Variants in RAD51 observed in about 807,000 individuals in gnomAD.
RAD51 encodes RAD51 recombinase, also known as DNA repair protein RAD51 homolog 1.
Under a neutral mutation model 41.5 loss-of-function variants are expected in RAD51, and 14 were observed. That is an observed-to-expected ratio of 0.34 (90% CI 0.22 to 0.53). The LOEUF (loss-of-function observed/expected upper bound fraction) is 0.53. Among genes scored for constraint, RAD51 ranks in the 20% least tolerant of loss-of-function variants. The pLI is 0.95. For synonymous variants in RAD51, 136 were observed against 148.6 expected (o/e 0.92, Z 0.62); for missense variants, 234 against 422.0 (o/e 0.55, Z 3.90).
intron 3 of RAD51, among the ~76,000 whole-genome samples, chr15:40,704,235 A>C (rs1595984344): frequency 6.6e-6 from 1 of 151,022 alleles, no homozygotes; most frequent in East Asian, 2.0e-4. Context: ...CGCCATGCCC[A>C]GCTAATTTTT....
At chr15:40,703,844 A>G (rs1438997780) in intron 3 of RAD51, among the ~76,000 whole-genome samples, 2 of 151,724 alleles carry the variant, frequency 1.3e-5, no homozygotes, top group African/African-American at 4.8e-5. Flanking sequence ...AACCTGTATT[A>G]TTTCCATCTT....
chr15:40,711,862 C>T (rs980801081), intron 5 of RAD51, among the ~76,000 whole-genome samples: 2 of 151,922 alleles, frequency 1.3e-5, no homozygotes, highest in Admixed American at 6.6e-5. Context: ...ATCGCTTGAG[C>T]TCAGGAGTTT....
chr15:40,716,681 G>A lies in RAD51; in HGVS notation c.436-2124G>A, dbSNP rs1327639518. 1.2e-4 allele frequency among the ~76,000 whole-genome samples: 12 copies of A among 99,708 alleles called. No individual in the cohort carries two copies. The South Asian group carries it at 3.9e-3, about 33-fold the overall frequency. The allele number at this position is 99,708 out of a possible 152,430, so 65.4% of individuals were successfully genotyped here. ...TCTTTTTTTTTTTTTTTTTTTTTGA[G>A]ATGGAATCTCGCTCTGTCACCCAGG... On this transcript the variant is annotated intron_variant, in intron 5 of 9. Transcript: ENST00000267868.
chr15:40,710,746 C>T (rs1357179171), intron 5 of RAD51, among the ~76,000 whole-genome samples: 2 of 152,060 alleles, frequency 1.3e-5, no homozygotes, highest in African/African-American at 4.8e-5. Flanking sequence ...TACATTTGTG[C>T]CCATCTTTTC....
chr15:40,706,890 G>T (rs1264702560), intron 4 of RAD51, among the ~76,000 whole-genome samples: 3 of 152,144 alleles, frequency 2.0e-5, no homozygotes, highest in African/African-American at 7.2e-5. Flanking sequence ...CTACCACAGG[G>T]TTGAAAACCT....
At chr15:40,721,835 C>A (rs1421948209) in intron 6 of RAD51, among the ~76,000 whole-genome samples, 4 of 152,080 alleles carry the variant, frequency 2.6e-5, no homozygotes, top group African/African-American at 9.7e-5. Flanking sequence ...CCATTTCCAG[C>A]TATATAAAGA....
At chr15:40,724,941 G>C (rs1202195958) in intron 6 of RAD51, among the ~76,000 whole-genome samples, 1 of 128,652 alleles carries the variant, frequency 7.8e-6, no homozygotes, top group Non-Finnish European at 1.6e-5. Flanking sequence ...CGCCCAGGCC[G>C]GACTGCGGAC....
chr15:40,712,069 C>T (rs1895732282), intron 5 of RAD51, among the ~76,000 whole-genome samples: 1 of 138,892 alleles, frequency 7.2e-6, no homozygotes, highest in Non-Finnish European at 1.5e-5. Flanking sequence ...AAGATTTTGT[C>T]TCCATCTCAA....
chr15:40,697,574 C>CTTTTTTTT (rs11340353), intron 1 of RAD51, among the ~76,000 whole-genome samples: 8 of 105,514 alleles, frequency 7.6e-5, no homozygotes, highest in South Asian at 3.0e-4. Flanking sequence ...GATGATATTT[C>CTTTTTTTT]TTTTTTTTTT....
At chr15:40,696,193 G>A (rs1242426892) in intron 1 of RAD51, among the ~76,000 whole-genome samples, 1 of 151,930 alleles carries the variant, frequency 6.6e-6, no homozygotes, top group African/African-American at 2.4e-5. Flanking sequence ...TTTTTTGTTT[G>A]TTTGTTTGTT....
At chr15:40,730,908 A>T in intron 9 of RAD51, 147 bp from the exon 10 acceptor site, 1 of 1,029,680 alleles carries the variant, frequency 9.7e-7, no homozygotes, top group Non-Finnish European at 1.4e-6. Flanking sequence ...CAGGTTGGAA[A>T]TGCACTAAGG....
chr15:40,707,600 C>CTATA (rs1895432313), intron 4 of RAD51, among the ~76,000 whole-genome samples: 1 of 152,144 alleles, frequency 6.6e-6, no homozygotes, highest in African/African-American at 2.4e-5. Context: ...AGCCATCATG[C>CTATA]CTGGCCCCCA....
chr15:40,715,471 T>C (rs1052712122), intron 5 of RAD51, among the ~76,000 whole-genome samples: 1 of 152,192 alleles, frequency 6.6e-6, no homozygotes, highest in Admixed American at 6.5e-5. Flanking sequence ...AAATAATTTA[T>C]ACCAAAGCAT....
In RAD51 at chr15:40,724,153, G is replaced by A. The variant is rs533094175; in HGVS notation, c.531-4558G>A. Among the ~76,000 whole-genome samples the A allele has an allele frequency of 1.9e-3, 283 of 152,234 alleles. 1 individual carries two copies. The highest frequency in any genetic ancestry group is 2.4e-3 in the Non-Finnish European group (165 of 68,004). ...GTTGGAATGGTAATTGCAGCTTTTT[G>A]TCTCTGCCTACAAAATTCCTATGAA... On this transcript the variant is annotated intron_variant, in intron 6 of 9. Coordinates refer to ENST00000267868, the MANE Select transcript of RAD51 (RefSeq NM_002875.5).
At chr15:40,715,362 A>C (rs1387817193) in intron 5 of RAD51, among the ~76,000 whole-genome samples, 2 of 40,350 alleles carry the variant, frequency 5.0e-5, no homozygotes, top group Admixed American at 3.9e-4. Context: ...CTCAAAAAAA[A>C]ACCAAAAACC....
chr15:40,717,069 G>A lies in RAD51; in HGVS notation c.436-1736G>A, dbSNP rs372875416. Among the ~76,000 whole-genome samples, 352 of 152,174 alleles carry A rather than the reference G, an allele frequency of 2.3e-3. 22 individuals are homozygous for A. The South Asian group carries it at 0.068, about 29-fold the overall frequency. On this transcript the variant is annotated intron_variant, in intron 5 of 9. Coordinates refer to ENST00000267868, the MANE Select transcript of RAD51 (RefSeq NM_002875.5). ...ATAAGAAAGAAAATTTGGGCTGGGT[G>A]CAGTGGCTCACGCCTCCCAGCACTT...
chr15:40,715,853 A>T (rs1289830773), intron 5 of RAD51, among the ~76,000 whole-genome samples: 1 of 152,184 alleles, frequency 6.6e-6, no homozygotes, highest in East Asian at 1.9e-4. Flanking sequence ...CGTTCATCTT[A>T]TTTCCTGGGG....
intron 5 of RAD51, among the ~76,000 whole-genome samples, chr15:40,717,617 A>C (rs1176721503): frequency 6.6e-6 from 1 of 151,870 alleles, no homozygotes; most frequent in African/African-American, 2.4e-5. Context: ...TTTCTCTTTA[A>C]AATTCTTTCT....
chr15:40,721,871 G>C (rs935042689), intron 6 of RAD51, among the ~76,000 whole-genome samples: 10 of 152,076 alleles, frequency 6.6e-5, no homozygotes, highest in Admixed American at 1.3e-4. Context: ...TCAGATACTT[G>C]GACAGCGATG....
Sources: gnomAD v4.1 joint callset for allele counts (sites outside exome capture counted in the v4.1 genomes callset) on GRCh38, gnomAD v4.1.1 for gene constraint, MANE v1.5 for transcripts, NCBI Gene and HGNC (gene_info 2026-07-23, HGNC 2026-07-21) for gene names.